AKAP19: variants seen among roughly 807,000 people sequenced by gnomAD.
AKAP19 encodes small A-kinase anchoring protein.
At chr2:189,982,577 G>A in the AKAP19 span, among the ~76,000 whole-genome samples, 1 of 151,888 alleles carries the variant, frequency 6.6e-6, no homozygotes, top group Non-Finnish European at 1.5e-5. Context: ...TTTTTGTACT[G>A]CCAGAGTTCT....
the AKAP19 span, among the ~76,000 whole-genome samples, chr2:189,971,271 A>G: frequency 1.3e-5 from 2 of 152,084 alleles, no homozygotes; most frequent in Non-Finnish European, 2.9e-5. Flanking sequence ...GCTGAGAATG[A>G]TGGTTTCCAG....
chr2:189,913,341 A>G, the AKAP19 span, among the ~76,000 whole-genome samples: 3 of 152,064 alleles, frequency 2.0e-5, no homozygotes, highest in East Asian at 3.8e-4. Flanking sequence ...GTTTTCATCA[A>G]TATTGGTTTT....
the AKAP19 span, among the ~76,000 whole-genome samples, chr2:189,954,190 G>A: frequency 1.3e-5 from 2 of 152,124 alleles, no homozygotes; most frequent in African/African-American, 2.4e-5. Flanking sequence ...TAAACAAGTG[G>A]CACACCTACT....
chr2:190,077,207 A>G, the AKAP19 span, among the ~76,000 whole-genome samples: 1 of 150,908 alleles, frequency 6.6e-6, no homozygotes, highest in African/African-American at 2.4e-5. Context: ...TTCTTTGCAA[A>G]TTCCATTATC....
the AKAP19 span, among the ~76,000 whole-genome samples, chr2:190,119,205 C>G: frequency 0.035 from 5,353 of 152,208 alleles, 141 homozygotes; most frequent in African/African-American, 0.068. Context: ...TTTTAAGGAG[C>G]AGAAAGTTTA....
the AKAP19 span, chr2:189,879,903 A>T: frequency 2.6e-5 from 4 of 152,408 alleles, no homozygotes; most frequent in East Asian, 1.9e-4. Flanking sequence ...CACAGGGCTG[A>T]CCCAAAACCC....
At chr2:190,185,736 G>C in the AKAP19 span, among the ~76,000 whole-genome samples, 1 of 152,148 alleles carries the variant, frequency 6.6e-6, no homozygotes, top group Non-Finnish European at 1.5e-5. Context: ...CTGTTCAACA[G>C]TTAGTCTATC....
At chr2:190,069,175 T>TGTGTGTGTGA in the AKAP19 span, among the ~76,000 whole-genome samples, 18 of 123,540 alleles carry the variant, frequency 1.5e-4, no homozygotes, top group African/African-American at 4.5e-4. Context: ...TGTGTGTGTG[T>TGTGTGTGTGA]GAGAGAGAGA....
chr2:189,968,681 A>C, the AKAP19 span, among the ~76,000 whole-genome samples: 1 of 152,174 alleles, frequency 6.6e-6, no homozygotes, highest in East Asian at 1.9e-4. Context: ...AGAATGAAAA[A>C]AGAAAAATTT....
chr2:190,036,850 T>C, the AKAP19 span, among the ~76,000 whole-genome samples: 1 of 152,214 alleles, frequency 6.6e-6, no homozygotes, highest in Admixed American at 6.5e-5. Flanking sequence ...CCCAAAAGAT[T>C]AAGTTCACAT....
the AKAP19 span, among the ~76,000 whole-genome samples, chr2:189,942,155 G>A: frequency 6.6e-6 from 1 of 152,188 alleles, no homozygotes; most frequent in Non-Finnish European, 1.5e-5. Context: ...CTGGCGGGGA[G>A]GCCTAGTGGA....
the AKAP19 span, among the ~76,000 whole-genome samples, chr2:190,022,766 AT>A: frequency 0.11 from 16,378 of 148,636 alleles, 1,007 homozygotes; most frequent in African/African-American, 0.16. Flanking sequence ...GTATTCTATA[AT>A]TTTTTTTTTT....
At chr2:190,047,210 A>T in the AKAP19 span, among the ~76,000 whole-genome samples, 15 of 152,276 alleles carry the variant, frequency 9.9e-5, no homozygotes, top group South Asian at 2.9e-3. Flanking sequence ...AACTTCTCAC[A>T]GGACCTGGAA....
At chr2:189,916,893 TA>T in the AKAP19 span, among the ~76,000 whole-genome samples, 2 of 152,274 alleles carry the variant, frequency 1.3e-5, 1 homozygote, top group South Asian at 4.1e-4. Context: ...CAAAACAGAG[TA>T]AAATCTGGTT....
At chr2:189,931,029 G>A in the AKAP19 span, 30 of 620,182 alleles carry the variant, frequency 4.8e-5, no homozygotes, top group Non-Finnish European at 8.0e-5. Flanking sequence ...GCCAAGGGGT[G>A]GGTGTGTGAT....
chr2:189,950,862 G>T, the AKAP19 span, among the ~76,000 whole-genome samples: 2 of 152,120 alleles, frequency 1.3e-5, no homozygotes, highest in African/African-American at 4.8e-5. Flanking sequence ...TCCCTTCTTG[G>T]TTTAGGGCTG....
the AKAP19 span, among the ~76,000 whole-genome samples, chr2:190,169,614 T>C: frequency 6.6e-6 from 1 of 152,220 alleles, no homozygotes. Context: ...GTTGGATATT[T>C]GCATTTCCTA....
chr2:190,100,610 T>A, the AKAP19 span, among the ~76,000 whole-genome samples: 1 of 152,102 alleles, frequency 6.6e-6, no homozygotes, highest in South Asian at 2.1e-4. Flanking sequence ...GACAGAAATA[T>A]TTACAAAGTA....
chr2:190,133,627 TTCA>T, the AKAP19 span, among the ~76,000 whole-genome samples: 1 of 152,220 alleles, frequency 6.6e-6, no homozygotes, highest in South Asian at 2.1e-4. Context: ...AACCTAAGTG[TTCA>T]TCAACAGATG....
Sources: allele counts gnomAD v4.1 joint callset (sites outside exome capture counted in the v4.1 genomes callset), GRCh38; gene constraint gnomAD v4.1.1; transcripts MANE v1.5; gene names NCBI Gene and HGNC (gene_info 2026-07-23, HGNC 2026-07-21).